The following LRRC4B variants were observed in gnomAD, a reference collection of about 807,000 sequenced individuals.
The protein encoded by LRRC4B is leucine-rich repeat-containing protein 4B.
LRRC4B carries 1 observed loss-of-function variant against 7.3 expected under a neutral mutation model. The ratio of observed to expected loss-of-function variants is 0.14; its 90% CI spans 0.05 to 0.65. The LOEUF (loss-of-function observed/expected upper bound fraction) is 0.65. Ranked by LOEUF, LRRC4B falls within the 30% of genes least tolerant of loss-of-function variation. The pLI, the probability that LRRC4B is intolerant of heterozygous loss-of-function variation, is 0.84. For missense variants in LRRC4B, 730 were observed against 1,041.6 expected (o/e 0.70, Z 4.12); for synonymous variants, 500 against 499.2 (o/e 1.00, Z -0.02).
intron 1 of LRRC4B, among the ~76,000 whole-genome samples, chr19:50,564,879 C>T (rs1415621763): frequency 2.8e-5 from 4 of 142,276 alleles, no homozygotes; most frequent in Admixed American, 2.2e-4. Flanking sequence ...GCGGCCACCC[C>T]CGCCCCCAAT....
chr19:50,531,584 CAT>C (rs1313986655), intron 2 of LRRC4B, among the ~76,000 whole-genome samples: 3 of 152,226 alleles, frequency 2.0e-5, no homozygotes, highest in Non-Finnish European at 2.9e-5. Context: ...TTTGTTGAAA[CAT>C]GTGGCATAGG....
At chr19:50,545,112 CAAA>C (rs778283731) in intron 2 of LRRC4B, among the ~76,000 whole-genome samples, 1 of 122,250 alleles carries the variant, frequency 8.2e-6, no homozygotes, top group East Asian at 2.4e-4. Context: ...GACTCCATCT[CAAA>C]AAAAAAAAAA....
intron 1 of LRRC4B, among the ~76,000 whole-genome samples, chr19:50,562,815 A>T (rs1259320131): frequency 6.8e-6 from 1 of 146,098 alleles, no homozygotes; most frequent in Non-Finnish European, 1.5e-5. Flanking sequence ...ATCTCGGCTC[A>T]CTGCAACCTC....
intron 2 of LRRC4B, among the ~76,000 whole-genome samples, chr19:50,524,106 A>C (rs968106762): frequency 6.6e-6 from 1 of 152,254 alleles, no homozygotes; most frequent in Non-Finnish European, 1.5e-5. Context: ...GAATAAAAAC[A>C]AAACCAAACC....
intron 1 of LRRC4B, chr19:50,557,681 A>AGAGGGCTGG (rs1190449133): frequency 1.8e-4 from 24 of 131,534 alleles, no homozygotes; most frequent in African/African-American, 6.2e-4. Context: ...AGGTTTCAGA[A>AGAGGGCTGG]GAGGGCTGGG....
At chr19:50,561,062 G>A (rs1384477241) in intron 1 of LRRC4B, among the ~76,000 whole-genome samples, 2 of 152,124 alleles carry the variant, frequency 1.3e-5, no homozygotes, top group African/African-American at 4.8e-5. Flanking sequence ...CTGCACTCCA[G>A]CCTGGGTGAC....
Position 50,553,952 on chromosome 19 carries a change from C to G in LRRC4B, c.-35-5079G>C, listed in dbSNP as rs567184879. On this transcript the variant is annotated intron_variant, in intron 1 of 2. Coordinates refer to ENST00000652263, the MANE Select transcript of LRRC4B (RefSeq NM_001080457.2). The surrounding 1 kb of genome is among the most constrained non-coding windows in gnomAD (Gnocchi z 4.2). ...CCCTGGACACCCTCGGTCCCCAGGTCCCCTTCCATCCCAGGAGGCCTGCTG... is the reference window on the plus strand; with the variant it reads ...CCCTGGACACCCTCGGTCCCCAGGTGCCCTTCCATCCCAGGAGGCCTGCTG... Among the ~76,000 whole-genome samples the G allele has an allele frequency of 6.6e-6, 1 of 151,938 alleles. No homozygotes were observed. Among genetic ancestry groups the G allele is most frequent in the Non-Finnish European group, 1.5e-5 (1 of 67,974 alleles).
chr19:50,519,050 G>A lies in LRRC4B; in HGVS notation c.663C>T (p.Asp221=), dbSNP rs779703539. 6.2e-7 allele frequency: 1 copy of A among 1,609,976 alleles called. No homozygotes were observed. Among genetic ancestry groups the A allele is most frequent in the Non-Finnish European group, 8.5e-7 (1 of 1,179,890 alleles). ...GCACCAGGGCCGTCAGGTTGGGGAT[G>A]TCCTTGAGGTTGCACATGCCCAGGT... ...YLNLGMCNLK[D]IPNLTALVRL... is the part of the protein sequence containing the mutation. The change falls in exon 3 of 3, where the codon GAC becomes GAT. Residue 221 remains aspartate, a synonymous_variant. Coordinates refer to ENST00000652263, the MANE Select transcript of LRRC4B (RefSeq NM_001080457.2). This position sits in a 1 kb window ranked among gnomAD's most constrained non-coding sequence, Gnocchi z 8.1.
At chr19:50,534,621 C>T (rs747733702) in intron 2 of LRRC4B, among the ~76,000 whole-genome samples, 17 of 152,146 alleles carry the variant, frequency 1.1e-4, no homozygotes, top group South Asian at 4.1e-4. Flanking sequence ...GGCAAAGGGA[C>T]GTGGCCCCCA....
chr19:50,537,870 C>T lies in LRRC4B; in HGVS notation c.297+10672G>A, dbSNP rs1981356831. Among the ~76,000 whole-genome samples the T allele has an allele frequency of 6.6e-6, 1 of 152,086 alleles. No homozygotes were observed. Among genetic ancestry groups the T allele is most frequent in the Non-Finnish European group, 1.5e-5 (1 of 67,992 alleles). On this transcript the variant is annotated intron_variant, in intron 2 of 2. Transcript: ENST00000652263. This position sits in a 1 kb window ranked among gnomAD's most constrained non-coding sequence, Gnocchi z 5.5. ...CAGCTGGAATGAGAGCCAGGGAGGC[C>T]GCAGTTAGACACGAAGTCTCAGCAG...
chr19:50,525,639 T>G (rs998406592), intron 2 of LRRC4B, among the ~76,000 whole-genome samples: 1 of 151,422 alleles, frequency 6.6e-6, no homozygotes, highest in African/African-American at 2.4e-5. Context: ...AGGCTGGTCT[T>G]GAACTCCTGA....
At chr19:50,560,690 C>A (rs377618150) in intron 1 of LRRC4B, among the ~76,000 whole-genome samples, 1 of 152,324 alleles carries the variant, frequency 6.6e-6, no homozygotes, top group East Asian at 1.9e-4. Flanking sequence ...CCCCAGGCTC[C>A]GCCTTGCAGT....
At chr19:50,525,406 CTTTTT>C (rs34552136) in intron 2 of LRRC4B, among the ~76,000 whole-genome samples, 1 of 136,028 alleles carries the variant, frequency 7.4e-6, no homozygotes, top group East Asian at 2.2e-4. Context: ...AAGAACCGTA[CTTTTT>C]TTTTTTTTTT....
chr19:50,527,222 T>G (rs539177830), intron 2 of LRRC4B, among the ~76,000 whole-genome samples: 1 of 151,656 alleles, frequency 6.6e-6, no homozygotes, highest in Admixed American at 6.6e-5. Context: ...TTAGTAGAGA[T>G]GGGGTTTCAC....
At chr19:50,540,804 C>T (rs1981506276) in intron 2 of LRRC4B, among the ~76,000 whole-genome samples, 1 of 151,794 alleles carries the variant, frequency 6.6e-6, no homozygotes, top group Non-Finnish European at 1.5e-5. Flanking sequence ...TGCAGGAAAA[C>T]AAGCTCAGGG....
chr19:50,562,830 T>A (rs1302794652), intron 1 of LRRC4B, among the ~76,000 whole-genome samples: 1 of 148,714 alleles, frequency 6.7e-6, no homozygotes, highest in Non-Finnish European at 1.5e-5. Flanking sequence ...AACCTCTGCC[T>A]CCCGGGTTCA....
At chr19:50,562,011 A>G (rs1386108179) in intron 1 of LRRC4B, among the ~76,000 whole-genome samples, 3 of 131,256 alleles carry the variant, frequency 2.3e-5, no homozygotes, top group African/African-American at 7.5e-5. Flanking sequence ...TCAGCTACTC[A>G]GGAGCCTGAG....
At chr19:50,535,940 C>T (rs1981262725) in intron 2 of LRRC4B, among the ~76,000 whole-genome samples, 1 of 152,200 alleles carries the variant, frequency 6.6e-6, no homozygotes, top group Non-Finnish European at 1.5e-5. Flanking sequence ...ATATCAGAGG[C>T]ATGTGCAAGA....
intron 2 of LRRC4B, among the ~76,000 whole-genome samples, chr19:50,532,104 C>T (rs1981083644): frequency 6.6e-6 from 1 of 152,092 alleles, no homozygotes; most frequent in Non-Finnish European, 1.5e-5. Context: ...GGCGTGGTGG[C>T]ACACTCCTGT....
Sources: allele counts gnomAD v4.1 joint callset (sites outside exome capture counted in the v4.1 genomes callset), GRCh38; gene constraint gnomAD v4.1.1; non-coding constraint Gnocchi (gnomAD v3.1); transcripts MANE v1.5; gene names NCBI Gene and HGNC (gene_info 2026-07-23, HGNC 2026-07-21).